Variants in HPSE2 observed in about 807,000 individuals in gnomAD.
HPSE2 encodes the protein heparanase 2 (inactive), also known as inactive heparanase-2.
Under a neutral mutation model 60.5 loss-of-function variants are expected in HPSE2, and 38 were observed. The observed-to-expected ratio is 0.63, with a 90% CI of 0.48 to 0.82. The LOEUF (loss-of-function observed/expected upper bound fraction) is 0.82, where lower values mean the gene tolerates loss of function less well. Ranked by LOEUF, HPSE2 falls within the 40% of genes least tolerant of loss-of-function variation. The probability of loss-of-function intolerance (pLI) is 0.00; values close to 1 mark genes in which losing one functional copy is unlikely to be tolerated. For synonymous variants in HPSE2, 295 were observed against 293.2 expected (o/e 1.01, Z -0.06); for missense variants, 713 against 740.4 (o/e 0.96, Z 0.43).
intron 3 of HPSE2, among the ~76,000 whole-genome samples, chr10:98,845,044 A>C (rs73330078): frequency 1.3e-5 from 2 of 152,258 alleles, no homozygotes; most frequent in Admixed American, 1.3e-4. Context: ...ATGTGACACA[A>C]ATAAAATGAA....
intron 3 of HPSE2, among the ~76,000 whole-genome samples, chr10:98,987,624 A>G (rs868642367): frequency 2.0e-5 from 3 of 152,026 alleles, no homozygotes; most frequent in African/African-American, 2.4e-5. Flanking sequence ...ATTCAACATA[A>G]TGTTGGAAGT....
At chr10:98,557,377 A>C (rs976730416) in intron 9 of HPSE2, among the ~76,000 whole-genome samples, 2 of 152,362 alleles carry the variant, frequency 1.3e-5, no homozygotes, top group Middle Eastern at 6.8e-3. Context: ...TACTGAGGAA[A>C]GGATGATCTT....
intron 9 of HPSE2, among the ~76,000 whole-genome samples, chr10:98,509,873 A>G (rs571149944): frequency 6.6e-6 from 1 of 152,158 alleles, no homozygotes; most frequent in Admixed American, 6.6e-5. Context: ...CAACAACGGC[A>G]GCATTTCTCT....
chr10:99,051,205 C>A (rs1957983676), intron 3 of HPSE2, among the ~76,000 whole-genome samples: 1 of 152,106 alleles, frequency 6.6e-6, no homozygotes, highest in South Asian at 2.1e-4. Context: ...ATGGCATGAA[C>A]CCAGGAGGCA....
intron 3 of HPSE2, among the ~76,000 whole-genome samples, chr10:98,883,402 T>G (rs1953080213): frequency 6.6e-6 from 1 of 152,134 alleles, no homozygotes; most frequent in South Asian, 2.1e-4. Flanking sequence ...AAAATTATTC[T>G]AAAAACATAG....
intron 3 of HPSE2, among the ~76,000 whole-genome samples, chr10:99,083,753 T>C (rs999292451): frequency 6.6e-6 from 1 of 152,178 alleles, no homozygotes; most frequent in Non-Finnish European, 1.5e-5. Flanking sequence ...GAAGAGGTAT[T>C]TGTTGAAAGG....
intron 3 of HPSE2, among the ~76,000 whole-genome samples, chr10:98,941,223 T>C (rs1589401023): frequency 7.5e-6 from 1 of 134,142 alleles, no homozygotes; most frequent in East Asian, 2.1e-4. Flanking sequence ...GTGTTGGAAG[T>C]TCTGGCCAGG....
rs1845158851 is a variant in HPSE2 at position 99,126,259 on chromosome 10, T to C, written c.610+17979A>G. Among the ~76,000 whole-genome samples, 1 of 152,042 alleles carries C rather than the reference T, an allele frequency of 6.6e-6. No individual in the cohort carries two copies. Among genetic ancestry groups the C allele is most frequent in the Non-Finnish European group, 1.5e-5 (1 of 68,014 alleles). On this transcript the variant is annotated intron_variant, in intron 3 of 11. Transcript: ENST00000370552. The surrounding 1 kb of genome is among the most constrained non-coding windows in gnomAD (Gnocchi z 4.0). ...TAATCCCCTCTGGAATATAACCCCA[T>C]TGGCCTGAGAACCACAACCAATCCC...
In HPSE2 at chr10:98,569,972, C is replaced by T. The variant is rs114358104; in HGVS notation, c.1320+44932G>A. On this transcript the variant is annotated intron_variant, in intron 9 of 11. Coordinates refer to ENST00000370552, the MANE Select transcript of HPSE2 (RefSeq NM_021828.5). The stretch of plus-strand genomic sequence containing the variant: ...GTCTCCTAATTAAGAACTCCAATGA[C>T]TCCAATTACACACACAATCCAACTA... 1.7e-3 allele frequency among the ~76,000 whole-genome samples: 262 copies of T among 152,322 alleles called. 1 individual carries two copies. Among genetic ancestry groups the T allele is most frequent in the African/African-American group, 6.1e-3 (255 of 41,576 alleles).
chr10:99,234,406 A>T (rs1020181389), intron 1 of HPSE2, among the ~76,000 whole-genome samples: 1 of 152,168 alleles, frequency 6.6e-6, no homozygotes, highest in African/African-American at 2.4e-5. Context: ...GAAAAATACG[A>T]AGGACGCACA....
At chr10:99,217,473 G>T (rs142503253) in intron 2 of HPSE2, among the ~76,000 whole-genome samples, 24 of 152,142 alleles carry the variant, frequency 1.6e-4, no homozygotes, top group African/African-American at 5.5e-4. Flanking sequence ...CTCACTCAGA[G>T]ATTCTTATGC....
the HPSE2 span, among the ~76,000 whole-genome samples, chr10:99,272,055 G>T: frequency 1.3e-5 from 2 of 152,140 alleles, no homozygotes; most frequent in South Asian, 4.1e-4. Flanking sequence ...GGTGGATCAC[G>T]AAGTCAGGAG....
intron 4 of HPSE2, among the ~76,000 whole-genome samples, chr10:98,725,527 A>T: frequency 6.6e-6 from 1 of 152,240 alleles, no homozygotes; most frequent in East Asian, 1.9e-4. Flanking sequence ...ACCTAAAACC[A>T]TAAAAACCCT....
At chr10:99,267,642 G>A in the HPSE2 span, among the ~76,000 whole-genome samples, 7 of 151,908 alleles carry the variant, frequency 4.6e-5, no homozygotes, top group African/African-American at 9.7e-5. Flanking sequence ...ATTAGCCAGC[G>A]TGGTGGTGGG....
intron 7 of HPSE2, 104 bp downstream of exon 7, chr10:98,641,743 C>T: frequency 1.2e-6 from 1 of 864,884 alleles, no homozygotes; most frequent in South Asian, 1.3e-5. Flanking sequence ...TCCTATTTTT[C>T]TACTCTGGTT....
chr10:98,910,495 T>C (rs983823146), intron 3 of HPSE2, among the ~76,000 whole-genome samples: 13 of 152,186 alleles, frequency 8.5e-5, no homozygotes, highest in Admixed American at 8.5e-4. Flanking sequence ...TGCATATGTT[T>C]TATGTATTTT....
chr10:98,729,805 A>G (rs1253015470), intron 4 of HPSE2, among the ~76,000 whole-genome samples: 1 of 152,116 alleles, frequency 6.6e-6, no homozygotes, highest in African/African-American at 2.4e-5. Flanking sequence ...TCAGGAAGAT[A>G]TAACAATTAG....
intron 3 of HPSE2, among the ~76,000 whole-genome samples, chr10:98,748,916 T>G: frequency 6.6e-6 from 1 of 151,074 alleles, no homozygotes; most frequent in East Asian, 1.9e-4. Context: ...AACAGTGAGG[T>G]TAGAAATTAG....
At chr10:98,714,002 T>C (rs929925605) in intron 5 of HPSE2, among the ~76,000 whole-genome samples, 1 of 151,994 alleles carries the variant, frequency 6.6e-6, no homozygotes, top group African/African-American at 2.4e-5. Context: ...TACTTTTATA[T>C]TGCCAAGGTT....
Sources: allele counts gnomAD v4.1 joint callset (sites outside exome capture counted in the v4.1 genomes callset), GRCh38; gene constraint gnomAD v4.1.1; non-coding constraint Gnocchi (gnomAD v3.1); transcripts MANE v1.5; gene names NCBI Gene and HGNC (gene_info 2026-07-23, HGNC 2026-07-21).